Variants in NSD2 observed in about 807,000 individuals in gnomAD.
NSD2 encodes histone-lysine N-methyltransferase NSD2.
NSD2 carries 12 observed loss-of-function variants against 139.0 expected under a neutral mutation model. That is an observed-to-expected ratio of 0.09 (90% CI 0.06 to 0.14). The LOEUF (loss-of-function observed/expected upper bound fraction) is 0.14. Ranked by LOEUF, NSD2 falls within the 10% of genes least tolerant of loss-of-function variation. NSD2 has a pLI of 1.00. For synonymous variants in NSD2, 669 were observed against 648.7 expected, an observed-to-expected ratio of 1.03 and a Z score of -0.48; for missense variants, 1,155 against 1,745.0, an observed-to-expected ratio of 0.66 and a Z score of 6.02.
Position 1,958,121 on chromosome 4 carries a change from G to GGTGTGC in NSD2, c.2985+85_2985+86insGTGTGC. On this transcript the variant is annotated intron_variant, in intron 16 of 21. Transcript: ENST00000508803. The surrounding 1 kb of genome is among the most constrained non-coding windows in gnomAD (Gnocchi z 4.6). ...GGTTCTTAGGCACACCCAGGCTATG[G>GGTGTGC]CTGGGGAGAGGACTGTCACCAGCCA... 2 of 1,356,776 alleles carry GGTGTGC rather than the reference G, an allele frequency of 1.5e-6. No homozygotes were observed. The highest frequency in any genetic ancestry group is 1.4e-5 in the African/African-American group (1 of 69,454). 84.0% of individuals were successfully genotyped at this position (1,356,776 alleles called of 1,614,324 possible). A position where few individuals can be genotyped will look rare whatever the true frequency, so the allele number is the denominator to read the frequency against.
intron 7 of NSD2, among the ~76,000 whole-genome samples, chr4:1,937,569 G>C (rs1256313834): frequency 6.6e-6 from 1 of 152,108 alleles, no homozygotes. Context: ...CTTCAGATTT[G>C]GGTTTTATAA....
intron 5 of NSD2, among the ~76,000 whole-genome samples, chr4:1,924,985 C>A (rs1232847831): frequency 6.6e-6 from 1 of 152,140 alleles, no homozygotes; most frequent in East Asian, 1.9e-4. Flanking sequence ...CCCTGCCCAC[C>A]CCTGGTTCCT....
Position 1,939,594 on chromosome 4 carries a change from A to G in NSD2, c.1757-60A>G, listed in dbSNP as rs943569564. On this transcript the variant is annotated intron_variant, in intron 8 of 21. Coordinates refer to ENST00000508803, the MANE Select transcript of NSD2 (RefSeq NM_001042424.3). ...TCACTTATTTGAGGGGTAATTTTTA[A>G]GCAGTAAAAAGATCAAGGGTTTATG... 1.2e-5 allele frequency: 19 copies of G among 1,527,504 alleles called. 1 individual carries two copies. Among genetic ancestry groups the G allele is most frequent in the Non-Finnish European group, 1.5e-5 (17 of 1,105,082 alleles). The allele number at this position is 1,527,504 out of a possible 1,614,324, so 94.6% of individuals were successfully genotyped here.
Position 1,973,768 on chromosome 4 carries a change from C to T in NSD2, c.3373-1095C>T, listed in dbSNP as rs1726755357. On this transcript the variant is annotated intron_variant, in intron 18 of 21. Transcript: ENST00000508803. This position sits in a 1 kb window ranked among gnomAD's most constrained non-coding sequence, Gnocchi z 5.5. ...CCGCTTCCTGGGACCATGTTTATCC[C>T]AGTGTTTATCCCTGTTCACACACGT... Among the ~76,000 whole-genome samples the T allele has an allele frequency of 6.6e-6, 1 of 152,150 alleles. No individual in the cohort carries two copies. Among genetic ancestry groups the T allele is most frequent in the Admixed American group, 6.5e-5 (1 of 15,286 alleles).
chr4:1,875,291 T>C (rs913821343), intron 1 of NSD2, among the ~76,000 whole-genome samples: 49 of 151,584 alleles, frequency 3.2e-4, no homozygotes, highest in Non-Finnish European at 6.6e-4. Flanking sequence ...TTTTTTTTTT[T>C]TTTTTTTTGG....
At chr4:1,961,004 T>A (rs1725312916) in intron 17 of NSD2, 31 bp from the exon 18 acceptor site, 1 of 1,594,084 alleles carries the variant, frequency 6.3e-7, no homozygotes, top group Non-Finnish European at 8.6e-7. Flanking sequence ...CAGCACGCTT[T>A]TTGTCATGGC....
chr4:1,930,876 T>C, intron 6 of NSD2, 106 bp downstream of exon 6: 1 of 1,410,216 alleles, frequency 7.1e-7, no homozygotes, highest in Non-Finnish European at 9.4e-7. Flanking sequence ...ACTCTCCCTG[T>C]TTCTGACCCG....
At chr4:1,952,866 C>T (rs1724424476) in intron 11 of NSD2, 3 of 1,329,154 alleles carry the variant, frequency 2.3e-6, no homozygotes, top group Non-Finnish European at 2.9e-6. Context: ...CGTCAGAACA[C>T]TTCCTGGGTC....
chr4:1,920,462 T>G (rs868852331), intron 5 of NSD2, among the ~76,000 whole-genome samples: 3 of 152,194 alleles, frequency 2.0e-5, no homozygotes, highest in Non-Finnish European at 2.9e-5. Context: ...GGTGATTTGA[T>G]GTTAGAAAGC....
rs1727606456 is a variant in NSD2, at chr4:1,980,081, TGA to T, written c.*1176_*1177del. ...ATGTGCCCTCTGCCAGGGCACCTAC[TGA>T]GAGGTGCGGTCCTGGGGGTGGAGGC... On this transcript the variant is annotated 3_prime_UTR_variant, in exon 22 of 22. Transcript: ENST00000508803. 1 of 233,140 alleles carries T rather than the reference TGA, an allele frequency of 4.3e-6. No individual in the cohort carries two copies. The highest frequency in any genetic ancestry group is 8.5e-6 in the Non-Finnish European group (1 of 118,050). 14.4% of individuals were successfully genotyped at this position (233,140 alleles called of 1,614,324 possible).
In NSD2 at chr4:1,953,439, A is replaced by G; in HGVS notation, c.2253A>G (p.Val751=). Residue 751 remains valine, a synonymous_variant, in exon 12 of 22, where the codon GTA becomes GTG. Transcript: ENST00000508803. ...GTGTGAAAAAATACCCTCTGACTGT[A>G]TTTGAGAGCCGAGGTTTCCGCTGCC... ...EACVKKYPLT[V]FESRGFRCPL... is the part of the protein sequence containing the mutation. The G allele has an allele frequency of 1.2e-6, 2 of 1,614,154 alleles. No homozygotes were observed. The highest frequency in any genetic ancestry group is 1.7e-6 in the Non-Finnish European group (2 of 1,180,034).
intron 21 of NSD2, among the ~76,000 whole-genome samples, chr4:1,978,339 C>T (rs150348745): frequency 5.0e-4 from 76 of 152,290 alleles, no homozygotes; most frequent in Non-Finnish European, 9.7e-4. Flanking sequence ...CAGCCCCTGC[C>T]TGTCCACGCC....
intron 1 of NSD2, among the ~76,000 whole-genome samples, chr4:1,887,176 A>G (rs1715177102): frequency 1.3e-5 from 2 of 152,156 alleles, no homozygotes; most frequent in African/African-American, 2.4e-5. Flanking sequence ...ACTTTTGGCC[A>G]TGGGCTTCAT....
intron 1 of NSD2, among the ~76,000 whole-genome samples, chr4:1,889,512 T>G (rs1490369602): frequency 6.6e-6 from 1 of 152,062 alleles, no homozygotes; most frequent in Non-Finnish European, 1.5e-5. Flanking sequence ...GACTTTTTTT[T>G]TTTTTTGAGT....
At chr4:1,887,179 G>C (rs1308790668) in intron 1 of NSD2, among the ~76,000 whole-genome samples, 1 of 152,112 alleles carries the variant, frequency 6.6e-6, no homozygotes, top group East Asian at 1.9e-4. Context: ...TTTGGCCATG[G>C]GCTTCATTCT....
At chr4:1,940,751 G>T in intron 9 of NSD2, 1 of 1,060,444 alleles carries the variant, frequency 9.4e-7, no homozygotes, top group East Asian at 5.1e-5. Context: ...CTTCTGGCCA[G>T]GTCTCTGCCA....
Position 1,906,002 on chromosome 4 carries a change from GGCT to G in NSD2, c.760+1628_760+1630del, listed in dbSNP as rs531017972. On this transcript the variant is annotated intron_variant, in intron 3 of 21. Transcript: ENST00000508803. ...CAGGCACACATGGGTGTGTGTGAGGGGCTGCTAATTCTTTCTCTGCTTTCTAAA... is the reference window on the plus strand; with the variant it reads ...CAGGCACACATGGGTGTGTGTGAGGGGCTAATTCTTTCTCTGCTTTCTAAA... Among the ~76,000 whole-genome samples, 169 of 152,206 alleles carry G rather than the reference GGCT, an allele frequency of 1.1e-3. 1 individual carries two copies. Among genetic ancestry groups the G allele is most frequent in the Non-Finnish European group, 2.0e-3 (135 of 68,022 alleles).
chr4:1,892,440 A>G (rs1272704529), intron 1 of NSD2, among the ~76,000 whole-genome samples: 3 of 152,214 alleles, frequency 2.0e-5, no homozygotes, highest in Non-Finnish European at 4.4e-5. Flanking sequence ...GTGTCAGGTA[A>G]TACTGTATAT....
rs955225723 is a variant in NSD2 at position 1,974,765 on chromosome 4, A to T, written c.3373-98A>T. On this transcript the variant is annotated intron_variant, in intron 18 of 21. Coordinates refer to ENST00000508803, the MANE Select transcript of NSD2 (RefSeq NM_001042424.3). This position sits in a 1 kb window ranked among gnomAD's most constrained non-coding sequence, Gnocchi z 4.0. Reference sequence around the variant, plus strand: ...ACCACGGTTTTCAGTACAACAAGGAACACAACTTGTTCAATGTGCTTTATG... The same window carrying T: ...ACCACGGTTTTCAGTACAACAAGGATCACAACTTGTTCAATGTGCTTTATG... 9 of 1,550,676 alleles carry T rather than the reference A, an allele frequency of 5.8e-6. No individual in the cohort carries two copies. In the African/African-American group the frequency reaches 9.5e-5, roughly 16 times the overall value.
Sources: allele counts gnomAD v4.1 joint callset (sites outside exome capture counted in the v4.1 genomes callset), GRCh38; gene constraint gnomAD v4.1.1; non-coding constraint Gnocchi (gnomAD v3.1); transcripts MANE v1.5; gene names NCBI Gene and HGNC (gene_info 2026-07-23, HGNC 2026-07-21).